NRG2: variants seen among roughly 807,000 people sequenced by gnomAD.
The protein encoded by NRG2 is neuregulin 2, also known as pro-neuregulin-2, membrane-bound isoform.
A neutral mutation model predicts 73.9 loss-of-function variants in NRG2; 27 were observed. The ratio of observed to expected loss-of-function variants is 0.37; its 90% CI spans 0.27 to 0.50. NRG2 has a LOEUF of 0.50. NRG2 is among the 20% of genes least tolerant of loss of function. The pLI is 0.96. For synonymous variants in NRG2, 532 were observed against 541.0 expected, an observed-to-expected ratio of 0.98 and a Z score of 0.23; for missense variants, 1,126 against 1,210.1, an observed-to-expected ratio of 0.93 and a Z score of 1.03.
At position 139,853,163 on chromosome 5, in the gene NRG2, G is replaced by T; in HGVS notation, c.1293-136C>A. The T allele has an allele frequency of 1.7e-6, 2 of 1,191,960 alleles. No individual in the cohort carries two copies. The highest frequency in any genetic ancestry group is 2.4e-6 in the Non-Finnish European group (2 of 842,154). 73.8% of individuals were successfully genotyped at this position (1,191,960 alleles called of 1,614,324 possible). ...GGCTACTGCTCGTCCCTGTACTCAAGCTGCCCTACAGCATCACTACCACCT... is the reference window on the plus strand; with the variant it reads ...GGCTACTGCTCGTCCCTGTACTCAATCTGCCCTACAGCATCACTACCACCT... On this transcript the variant is annotated intron_variant, in intron 6 of 9. Transcript: ENST00000361474. This position sits in a 1 kb window ranked among gnomAD's most constrained non-coding sequence, Gnocchi z 4.1.
chr5:139,909,846 T>C (rs1021429201), intron 1 of NRG2, among the ~76,000 whole-genome samples: 1 of 152,224 alleles, frequency 6.6e-6, no homozygotes. Flanking sequence ...CCAGACCCAG[T>C]TGCCTAGGCC....
At chr5:140,037,691 C>T (rs1034984875) in intron 1 of NRG2, among the ~76,000 whole-genome samples, 26 of 152,168 alleles carry the variant, frequency 1.7e-4, no homozygotes, top group South Asian at 2.1e-4. Flanking sequence ...GGGTGGATCA[C>T]GAGGTCAGGA....
intron 1 of NRG2, among the ~76,000 whole-genome samples, chr5:140,005,365 C>T (rs1298324625): frequency 6.6e-6 from 1 of 152,232 alleles, no homozygotes; most frequent in African/African-American, 2.4e-5. Context: ...TCCCCATACT[C>T]TCACGCCTCA....
intron 5 of NRG2, among the ~76,000 whole-genome samples, chr5:139,860,463 G>C (rs569452400): frequency 1.6e-4 from 25 of 151,890 alleles, no homozygotes; most frequent in Non-Finnish European, 3.2e-4. Flanking sequence ...GCCTGTCCAC[G>C]TACTGGGAGC....
At chr5:139,862,946 C>G (rs899966647) in intron 5 of NRG2, among the ~76,000 whole-genome samples, 2 of 152,222 alleles carry the variant, frequency 1.3e-5, no homozygotes, top group Non-Finnish European at 2.9e-5. Context: ...ATAACCTGGT[C>G]TAGATGCTAT....
At chr5:139,910,198 C>T (rs1043007675) in intron 1 of NRG2, among the ~76,000 whole-genome samples, 2 of 152,134 alleles carry the variant, frequency 1.3e-5, no homozygotes, top group Non-Finnish European at 2.9e-5. Context: ...TCAGCCAACC[C>T]GGAAAGCCTG....
intron 1 of NRG2, among the ~76,000 whole-genome samples, chr5:139,943,498 T>G (rs1197437307): frequency 6.6e-6 from 1 of 152,236 alleles, no homozygotes; most frequent in African/African-American, 2.4e-5. Context: ...TCTTTGATTT[T>G]AAATTTTCTA....
chr5:139,943,371 A>G (rs946636753), intron 1 of NRG2, among the ~76,000 whole-genome samples: 2 of 151,312 alleles, frequency 1.3e-5, no homozygotes, highest in East Asian at 1.9e-4. Flanking sequence ...GCTGGTCTCT[A>G]TCTCCTGACC....
intron 1 of NRG2, among the ~76,000 whole-genome samples, chr5:139,977,218 T>G (rs1233042024): frequency 6.6e-6 from 1 of 152,230 alleles, no homozygotes; most frequent in Non-Finnish European, 1.5e-5. Flanking sequence ...CTGGCTTATC[T>G]TCACAATTTT....
chr5:139,943,271 C>T (rs1223682851), intron 1 of NRG2, among the ~76,000 whole-genome samples: 3 of 152,110 alleles, frequency 2.0e-5, no homozygotes, highest in Middle Eastern at 3.4e-3. Context: ...CTCAGCCTCC[C>T]GAGTAGCTGA....
chr5:140,033,321 G>A (rs1409241377), intron 1 of NRG2, among the ~76,000 whole-genome samples: 1 of 152,204 alleles, frequency 6.6e-6, no homozygotes, highest in Non-Finnish European at 1.5e-5. Flanking sequence ...CAGTAAAAAT[G>A]TAAGATAAGA....
At chr5:139,942,183 C>T (rs1753448094) in intron 1 of NRG2, among the ~76,000 whole-genome samples, 1 of 152,122 alleles carries the variant, frequency 6.6e-6, no homozygotes, top group South Asian at 2.1e-4. Flanking sequence ...ATCTTTAGCT[C>T]TTATTTCAGT....
intron 2 of NRG2, among the ~76,000 whole-genome samples, chr5:139,885,876 C>T (rs968336822): frequency 4.6e-5 from 7 of 151,990 alleles, no homozygotes; most frequent in African/African-American, 1.7e-4. Context: ...AGGGGAGAAA[C>T]CATCTTCTAG....
At chr5:140,007,078 G>A (rs1758965172) in intron 1 of NRG2, among the ~76,000 whole-genome samples, 1 of 152,098 alleles carries the variant, frequency 6.6e-6, no homozygotes. Flanking sequence ...TGGTAACGGG[G>A]GAAGGTGGAT....
chr5:140,028,518 A>G (rs1760880203), intron 1 of NRG2, among the ~76,000 whole-genome samples: 2 of 152,128 alleles, frequency 1.3e-5, no homozygotes, highest in African/African-American at 4.8e-5. Flanking sequence ...TGCTATACCC[A>G]CGGAACTGCA....
Position 139,853,493 on chromosome 5 carries a change from T to C in NRG2, c.1293-466A>G, listed in dbSNP as rs527277784. On this transcript the variant is annotated intron_variant, in intron 6 of 9. Coordinates refer to ENST00000361474, the MANE Select transcript of NRG2 (RefSeq NM_004883.3). The surrounding 1 kb of genome is among the most constrained non-coding windows in gnomAD (Gnocchi z 4.1). ...GGAGCAGAGACAATAGATAGGTAGA[T>C]AGGGAATCCACCCTCCTGAAGCCTG... Among the ~76,000 whole-genome samples the C allele has an allele frequency of 2.0e-5, 3 of 152,274 alleles. No homozygotes were observed. Among genetic ancestry groups the C allele is most frequent in the East Asian group, 1.9e-4 (1 of 5,182 alleles).
chr5:140,003,759 T>C (rs1190040989), intron 1 of NRG2, among the ~76,000 whole-genome samples: 2 of 152,234 alleles, frequency 1.3e-5, no homozygotes, highest in African/African-American at 2.4e-5. Flanking sequence ...AAAAATTCCC[T>C]GGATGCCATC....
At chr5:139,959,088 CT>C (rs1461341373) in intron 1 of NRG2, among the ~76,000 whole-genome samples, 2 of 152,236 alleles carry the variant, frequency 1.3e-5, no homozygotes, top group African/African-American at 4.8e-5. Context: ...AGGTAGCCAT[CT>C]GTGGCTGTGC....
At chr5:140,034,401 G>T (rs572980555) in intron 1 of NRG2, among the ~76,000 whole-genome samples, 1 of 151,880 alleles carries the variant, frequency 6.6e-6, no homozygotes, top group Non-Finnish European at 1.5e-5. Flanking sequence ...AATCATGAAA[G>T]TCTGAATGTT....
Sources: allele counts gnomAD v4.1 joint callset (sites outside exome capture counted in the v4.1 genomes callset), GRCh38; gene constraint gnomAD v4.1.1; non-coding constraint Gnocchi (gnomAD v3.1); transcripts MANE v1.5; gene names NCBI Gene and HGNC (gene_info 2026-07-23, HGNC 2026-07-21).